The following ZBTB46 variants were observed in gnomAD, a reference collection of about 807,000 sequenced individuals.
ZBTB46 encodes zinc finger and BTB domain-containing protein 46.
In ZBTB46, 8 loss-of-function variants were observed where a neutral mutation model predicts 44.1. The ratio of observed to expected loss-of-function variants is 0.18; its 90% CI spans 0.11 to 0.33. The LOEUF (loss-of-function observed/expected upper bound fraction) is 0.33. Ranked by LOEUF, ZBTB46 falls within the 10% of genes least tolerant of loss-of-function variation. The pLI, the probability that ZBTB46 is intolerant of heterozygous loss-of-function variation, is 1.00. For synonymous variants in ZBTB46, 409 were observed against 382.3 expected (o/e 1.07, Z -0.81); for missense variants, 651 against 847.7 (o/e 0.77, Z 2.88).
chr20:63,807,076 C>T lies in ZBTB46; in HGVS notation c.-33-16286G>A, dbSNP rs1383622420. ...GGATTACAGGCGTGAGCCACCACGC[C>T]TGGCCAGGATTGGTGTTAATTCTTA... On this transcript the variant is annotated intron_variant, in intron 1 of 4. Coordinates refer to ENST00000245663, the MANE Select transcript of ZBTB46 (RefSeq NM_001369741.1). Among the ~76,000 whole-genome samples, 10 of 152,136 alleles carry T rather than the reference C, an allele frequency of 6.6e-5. No individual in the cohort carries two copies. The South Asian group carries it at 1.2e-3, about 19-fold the overall frequency.
intron 3 of ZBTB46, among the ~76,000 whole-genome samples, chr20:63,771,971 C>T (rs182411363): frequency 5.9e-5 from 9 of 151,800 alleles, no homozygotes; most frequent in Admixed American, 1.3e-4. Flanking sequence ...AACTTCTAAA[C>T]CGTGTTTACA....
chr20:63,782,458 C>T (rs2092478890), intron 2 of ZBTB46, among the ~76,000 whole-genome samples: 1 of 152,212 alleles, frequency 6.6e-6, no homozygotes, highest in African/African-American at 2.4e-5. Flanking sequence ...CCAGGGGATG[C>T]AGCCCTGCCG....
Position 63,768,776 on chromosome 20 carries a change from C to T in ZBTB46, c.1222+6902G>A, listed in dbSNP as rs553901703. Among the ~76,000 whole-genome samples the T allele has an allele frequency of 4.6e-5, 7 of 151,956 alleles. No individual in the cohort carries two copies. In the East Asian group the frequency reaches 9.7e-4, roughly 21 times the overall value. On this transcript the variant is annotated intron_variant, in intron 3 of 4. Coordinates refer to ENST00000245663, the MANE Select transcript of ZBTB46 (RefSeq NM_001369741.1). ...CGCGGCTCGGGCTGGGGCAGTGGAA[C>T]GGCTTCCACCAGGGCTCTGTGAGGC... is the stretch of plus-strand genomic sequence containing the variant.
At position 63,783,333 on chromosome 20, in the gene ZBTB46, G is replaced by A. The variant is rs60637858; in HGVS notation, c.937+6488C>T. Among the ~76,000 whole-genome samples, 406 of 152,296 alleles carry A rather than the reference G, an allele frequency of 2.7e-3. 2 individuals are homozygous for A. Among genetic ancestry groups the A allele is most frequent in the African/African-American group, 9.2e-3 (381 of 41,562 alleles). ...AGTCCCAGCTACTCGGGAGGCTGAG[G>A]CAGGAGAATCACTTGAACCCGAGAG... On this transcript the variant is annotated intron_variant, in intron 2 of 4. Transcript: ENST00000245663.
rs1355013045 is a variant in ZBTB46 at position 63,779,496 on chromosome 20, T to C, written c.938-3534A>G. Among the ~76,000 whole-genome samples, 4 of 143,436 alleles carry C rather than the reference T, an allele frequency of 2.8e-5. No individual in the cohort carries two copies. In the East Asian group the frequency reaches 8.7e-4, roughly 31 times the overall value. The allele number at this position is 143,436 out of a possible 152,430, so 94.1% of individuals were successfully genotyped here. ...GTGCAGTGGCATGATCTTGGCTCAC[T>C]GCAAGCTCCGCCTCCCAGGTTCACG... On this transcript the variant is annotated intron_variant, in intron 2 of 4. Transcript: ENST00000245663.
At chr20:63,797,244 C>T (rs1601492197) in intron 1 of ZBTB46, among the ~76,000 whole-genome samples, 3 of 149,118 alleles carry the variant, frequency 2.0e-5, no homozygotes, top group African/African-American at 7.4e-5. Flanking sequence ...TGAGTCAGAA[C>T]ATGCAGTGTT....
chr20:63,748,289 T>G (rs554550540), intron 4 of ZBTB46, among the ~76,000 whole-genome samples: 58 of 152,318 alleles, frequency 3.8e-4, no homozygotes, highest in African/African-American at 1.4e-3. Context: ...AGGGCCCATG[T>G]GGCAGGACGC....
chr20:63,747,154 C>T lies in ZBTB46; in HGVS notation c.1546G>A (p.Gly516Ser). 1 of 1,610,154 alleles carries T rather than the reference C, an allele frequency of 6.2e-7. No individual in the cohort carries two copies. Among genetic ancestry groups the T allele is most frequent in the Non-Finnish European group, 8.5e-7 (1 of 1,178,844 alleles). The change falls in exon 5 of 5, where the codon GGC (glycine) becomes AGC (serine). Residue 516 changes from glycine (G) to serine (S), a missense_variant. This residue lies in a region of ZBTB46 where 75 missense variants were observed against 107.8 expected (regional missense o/e 0.70). Coordinates refer to ENST00000245663, the MANE Select transcript of ZBTB46 (RefSeq NM_001369741.1). The part of the protein sequence containing the change: ...GRGMAGPLDH[G>S]GGGGEGSPEA... Reference sequence around the variant, plus strand: ...GGAGAGCCCTCGCCGCCTCCGCCGCCATGGTCCAGGGGCCCGGCCATGCCG... The same window carrying T: ...GGAGAGCCCTCGCCGCCTCCGCCGCTATGGTCCAGGGGCCCGGCCATGCCG...
intron 3 of ZBTB46, among the ~76,000 whole-genome samples, chr20:63,771,217 A>G (rs906054328): frequency 2.6e-5 from 4 of 152,040 alleles, no homozygotes; most frequent in African/African-American, 9.7e-5. Context: ...GGAGCGGAGG[A>G]GAGAGGAGCC....
chr20:63,793,352 G>A, intron 1 of ZBTB46, among the ~76,000 whole-genome samples: 1 of 152,204 alleles, frequency 6.6e-6, no homozygotes, highest in East Asian at 1.9e-4. Flanking sequence ...AGGAGGGCAG[G>A]GCAGGTGTCC....
chr20:63,815,999 C>G (rs2092753042), intron 1 of ZBTB46, among the ~76,000 whole-genome samples: 1 of 137,282 alleles, frequency 7.3e-6, no homozygotes, highest in Non-Finnish European at 1.5e-5. Flanking sequence ...GCAGTGGGCA[C>G]AGGTGGGCAC....
chr20:63,769,505 A>T (rs1437603653), intron 3 of ZBTB46: 2 of 939,614 alleles, frequency 2.1e-6, no homozygotes, highest in African/African-American at 3.6e-5. Flanking sequence ...TGATGCCCCA[A>T]GGGTCTCGCT....
chr20:63,782,720 T>C lies in ZBTB46; in HGVS notation c.938-6758A>G, dbSNP rs569238387. Among the ~76,000 whole-genome samples, 9 of 152,200 alleles carry C rather than the reference T, an allele frequency of 5.9e-5. No individual in the cohort carries two copies. In the South Asian group the frequency reaches 1.9e-3, roughly 32 times the overall value. On this transcript the variant is annotated intron_variant, in intron 2 of 4. Coordinates refer to ENST00000245663, the MANE Select transcript of ZBTB46 (RefSeq NM_001369741.1). ...CCCCACACCCACAGGTGAGGAGCAG[T>C]GTTGCTGCTGGCTGCGGCCGTGAGT... is the stretch of plus-strand genomic sequence containing the variant.
chr20:63,785,284 G>A (rs931031075), intron 2 of ZBTB46, among the ~76,000 whole-genome samples: 21 of 150,616 alleles, frequency 1.4e-4, no homozygotes, highest in African/African-American at 4.6e-4. Context: ...TTTGTGGCCC[G>A]GCACACTGGC....
chr20:63,804,075 T>C (rs947648468), intron 1 of ZBTB46, among the ~76,000 whole-genome samples: 1 of 152,092 alleles, frequency 6.6e-6, no homozygotes, highest in Admixed American at 6.5e-5. Context: ...CTCACTGCCC[T>C]GCGCTGTCCC....
chr20:63,781,789 C>CA (rs112270335), intron 2 of ZBTB46, among the ~76,000 whole-genome samples: 80,380 of 148,556 alleles, frequency 0.54, 21,773 homozygotes, highest in South Asian at 0.62. Flanking sequence ...GAGACTCTGT[C>CA]AAAAAAAAAA....
In ZBTB46 at chr20:63,803,462, G is replaced by C; in HGVS notation, c.-33-12672C>G. ...GTACTATCCACATCATCTCCAGTGA[G>C]CAAGTGGGTGCTGGCGATGAGGACT... On this transcript the variant is annotated intron_variant, in intron 1 of 4. Transcript: ENST00000245663. This position sits in a 1 kb window ranked among gnomAD's most constrained non-coding sequence, Gnocchi z 4.0. 1.0e-6 allele frequency: 1 copy of C among 985,388 alleles called. No individual in the cohort carries two copies. 61.0% of individuals were successfully genotyped at this position (985,388 alleles called of 1,614,324 possible). A position where few individuals can be genotyped will look rare whatever the true frequency, so the allele number is the denominator to read the frequency against.
chr20:63,831,638 G>A (rs2092853119), upstream of ZBTB46, among the ~76,000 whole-genome samples: 2 of 149,754 alleles, frequency 1.3e-5, no homozygotes, highest in South Asian at 2.1e-4. Context: ...CTGCGCCCTT[G>A]CCCCGCGAGC....
intron 1 of ZBTB46, among the ~76,000 whole-genome samples, chr20:63,812,422 T>G (rs1398883534): frequency 1.3e-5 from 2 of 151,980 alleles, no homozygotes. Flanking sequence ...GGCGGGCGAA[T>G]CACGAGGTCA....
Sources: allele counts gnomAD v4.1 joint callset (sites outside exome capture counted in the v4.1 genomes callset), GRCh38; gene constraint gnomAD v4.1.1; regional missense constraint gnomAD v4.1.1; non-coding constraint Gnocchi (gnomAD v3.1); transcripts MANE v1.5; gene names NCBI Gene and HGNC (gene_info 2026-07-23, HGNC 2026-07-21).